The following HPSE2 variants were observed in gnomAD, a reference collection of about 807,000 sequenced individuals.
The protein encoded by HPSE2 is heparanase 2 (inactive).
HPSE2 carries 38 observed loss-of-function variants against 60.5 expected under a neutral mutation model. That is an observed-to-expected ratio of 0.63 (90% CI 0.48 to 0.82). HPSE2 has a LOEUF of 0.82. Among genes scored for constraint, HPSE2 ranks in the 40% least tolerant of loss-of-function variants. The probability of loss-of-function intolerance (pLI) is 0.00; values close to 1 mark genes in which losing one functional copy is unlikely to be tolerated. For missense variants in HPSE2, 713 were observed against 740.4 expected, an observed-to-expected ratio of 0.96 and a Z score of 0.43; for synonymous variants, 295 against 293.2, an observed-to-expected ratio of 1.01 and a Z score of -0.06.
At chr10:98,513,950 A>G (rs765674319) in intron 9 of HPSE2, among the ~76,000 whole-genome samples, 7 of 152,194 alleles carry the variant, frequency 4.6e-5, no homozygotes, top group Non-Finnish European at 1.0e-4. Flanking sequence ...ATACTTGTAC[A>G]TGGATGTTCA....
chr10:98,738,513 A>G (rs548528095), intron 4 of HPSE2, among the ~76,000 whole-genome samples: 2 of 152,338 alleles, frequency 1.3e-5, no homozygotes, highest in African/African-American at 4.8e-5. Flanking sequence ...GCACAGCAAA[A>G]GAAACTATCA....
At chr10:98,461,800 A>G (rs1252423723) in intron 11 of HPSE2, 3 of 1,596,040 alleles carry the variant, frequency 1.9e-6, no homozygotes, top group Admixed American at 1.7e-5. Flanking sequence ...ATGATCCCAC[A>G]GTATTGACAT....
intron 6 of HPSE2, among the ~76,000 whole-genome samples, chr10:98,670,443 T>G (rs916063143): frequency 6.6e-6 from 1 of 152,198 alleles, no homozygotes; most frequent in Non-Finnish European, 1.5e-5. Context: ...TTTTTTCATA[T>G]TTGGGAATAT....
At chr10:99,138,770 A>G (rs913126256) in intron 3 of HPSE2, among the ~76,000 whole-genome samples, 1 of 152,180 alleles carries the variant, frequency 6.6e-6, no homozygotes, top group Non-Finnish European at 1.5e-5. Context: ...GAGGGATAAC[A>G]TTAGGAGAAA....
At chr10:99,226,888 C>G (rs1228115725) in intron 2 of HPSE2, among the ~76,000 whole-genome samples, 1 of 152,036 alleles carries the variant, frequency 6.6e-6, no homozygotes, top group Non-Finnish European at 1.5e-5. Context: ...CTGTTGTGTT[C>G]TAATGGTGAT....
chr10:99,124,164 G>A (rs1377278839), intron 3 of HPSE2, among the ~76,000 whole-genome samples: 1 of 152,162 alleles, frequency 6.6e-6, no homozygotes, highest in Non-Finnish European at 1.5e-5. Context: ...ACCTGGAGTG[G>A]GTGGCTCATA....
At chr10:98,976,557 G>A (rs901100853) in intron 3 of HPSE2, among the ~76,000 whole-genome samples, 1 of 151,962 alleles carries the variant, frequency 6.6e-6, no homozygotes, top group Non-Finnish European at 1.5e-5. Context: ...TGGGTGGTTG[G>A]GAAGATATTC....
chr10:98,758,479 T>C (rs982100939), intron 3 of HPSE2, among the ~76,000 whole-genome samples: 1 of 152,072 alleles, frequency 6.6e-6, no homozygotes, highest in East Asian at 1.9e-4. Flanking sequence ...CTTGAACAAA[T>C]TAACAAGCAA....
intron 3 of HPSE2, among the ~76,000 whole-genome samples, chr10:98,968,856 G>A (rs1368780828): frequency 6.6e-6 from 1 of 152,044 alleles, no homozygotes; most frequent in East Asian, 1.9e-4. Flanking sequence ...AAGGGTGGGA[G>A]GGGGGTCAGG....
At chr10:98,797,831 G>A (rs1950814318) in intron 3 of HPSE2, among the ~76,000 whole-genome samples, 1 of 151,904 alleles carries the variant, frequency 6.6e-6, no homozygotes, top group Non-Finnish European at 1.5e-5. Flanking sequence ...GCGACAAAGT[G>A]AGACTCCGCC....
chr10:99,288,909 A>G, the HPSE2 span, among the ~76,000 whole-genome samples: 2 of 152,188 alleles, frequency 1.3e-5, no homozygotes, highest in African/African-American at 4.8e-5. Context: ...TGTAAGAAAG[A>G]AATTTAATTA....
At chr10:98,991,358 G>A (rs997680866) in intron 3 of HPSE2, among the ~76,000 whole-genome samples, 3 of 152,134 alleles carry the variant, frequency 2.0e-5, no homozygotes, top group Admixed American at 2.0e-4. Context: ...AACCACACAG[G>A]CATCTGAGGG....
Position 99,235,512 on chromosome 10 carries a change from C to T in HPSE2, c.290+1G>A. 6.2e-7 allele frequency: 1 copy of T among 1,614,074 alleles called. No homozygotes were observed. The highest frequency in any genetic ancestry group is 2.2e-5 in the East Asian group (1 of 44,858). On this transcript the variant is annotated splice_donor_variant, in intron 1 of 11. Transcript: ENST00000370552. LOFTEE classifies it high-confidence loss of function. Reference sequence around the variant, plus strand: ...ATGATCCATCGAAACCCCTGCCTTACCTTAGGAAATCGAGCCAGCCATCAT... The same window carrying T: ...ATGATCCATCGAAACCCCTGCCTTATCTTAGGAAATCGAGCCAGCCATCAT...
intron 6 of HPSE2, among the ~76,000 whole-genome samples, chr10:98,667,521 A>C (rs537454994): frequency 6.6e-6 from 1 of 152,220 alleles, no homozygotes; most frequent in Non-Finnish European, 1.5e-5. Flanking sequence ...CAGACACAAA[A>C]ATCTTTAATA....
chr10:98,763,494 AATGATTTAAATGATC>A (rs1421887990), intron 3 of HPSE2, among the ~76,000 whole-genome samples: 1 of 135,688 alleles, frequency 7.4e-6, no homozygotes, highest in East Asian at 2.1e-4. Flanking sequence ...ATAAGAGAAA[AATGATTTAAATGATC>A]ATGTACTTCT....
At chr10:99,256,561 G>A in the HPSE2 span, among the ~76,000 whole-genome samples, 1 of 150,950 alleles carries the variant, frequency 6.6e-6, no homozygotes, top group African/African-American at 2.4e-5. Flanking sequence ...ACACAAGAAT[G>A]TCCACTGTTA....
chr10:98,903,352 T>A (rs958918155), intron 3 of HPSE2, among the ~76,000 whole-genome samples: 4 of 152,046 alleles, frequency 2.6e-5, no homozygotes, highest in African/African-American at 9.7e-5. Context: ...GCAATATAAA[T>A]GCACAACTTT....
the HPSE2 span, among the ~76,000 whole-genome samples, chr10:99,288,541 C>T: frequency 6.6e-6 from 1 of 151,800 alleles, no homozygotes; most frequent in Non-Finnish European, 1.5e-5. Context: ...AAAAGTTTAT[C>T]TCCTTTCCAC....
chr10:98,511,609 T>C (rs532411232), intron 9 of HPSE2, among the ~76,000 whole-genome samples: 18 of 151,634 alleles, frequency 1.2e-4, no homozygotes, highest in Admixed American at 4.6e-4. Context: ...TGTGTGTGTG[T>C]GTGCGCACGT....
Sources: gnomAD v4.1 joint callset for allele counts (sites outside exome capture counted in the v4.1 genomes callset) on GRCh38, gnomAD v4.1.1 for gene constraint, MANE v1.5 for transcripts, NCBI Gene and HGNC (gene_info 2026-07-23, HGNC 2026-07-21) for gene names.